PLD5: variants seen among roughly 807,000 people sequenced by gnomAD.
PLD5 encodes the protein phospholipase D family member 5, also known as inactive phospholipase D5.
In PLD5, 36 loss-of-function variants were observed where a neutral mutation model predicts 61.1. The ratio of observed to expected loss-of-function variants is 0.59; its 90% CI spans 0.45 to 0.78. The LOEUF (loss-of-function observed/expected upper bound fraction) is 0.78. Ranked by LOEUF, PLD5 falls within the 30% of genes least tolerant of loss-of-function variation. PLD5 has a pLI of 0.00. For missense variants in PLD5, 515 were observed against 644.4 expected (o/e 0.80, Z 2.17); for synonymous variants, 243 against 242.8 (o/e 1.00, Z -0.01).
intron 5 of PLD5, among the ~76,000 whole-genome samples, chr1:242,169,551 A>C (rs1339730866): frequency 6.6e-6 from 1 of 152,028 alleles, no homozygotes; most frequent in Non-Finnish European, 1.5e-5. Context: ...TCCATACCCC[A>C]GTGGTGCCTG....
chr1:242,224,874 C>T (rs1196188597), intron 4 of PLD5, among the ~76,000 whole-genome samples: 1 of 152,114 alleles, frequency 6.6e-6, no homozygotes, highest in Non-Finnish European at 1.5e-5. Flanking sequence ...CCCTTTTGAG[C>T]ATATAAGGGT....
intron 7 of PLD5, among the ~76,000 whole-genome samples, chr1:242,112,027 A>C (rs1661547536): frequency 6.6e-6 from 1 of 152,118 alleles, no homozygotes; most frequent in African/African-American, 2.4e-5. Context: ...TCATGGAACA[A>C]AGGTTTTGTC....
intron 1 of PLD5, among the ~76,000 whole-genome samples, chr1:242,392,348 C>T (rs903008365): frequency 6.6e-6 from 1 of 152,082 alleles, no homozygotes; most frequent in Non-Finnish European, 1.5e-5. Flanking sequence ...ATACCATAAA[C>T]CTCAGTGTTA....
At chr1:242,451,444 T>A (rs1288450349) in intron 1 of PLD5, among the ~76,000 whole-genome samples, 1 of 150,868 alleles carries the variant, frequency 6.6e-6, no homozygotes, top group South Asian at 2.1e-4. Flanking sequence ...AAACATGTTA[T>A]TCCTGTATCA....
chr1:242,377,036 T>C, intron 1 of PLD5: 1 of 1,611,798 alleles, frequency 6.2e-7, no homozygotes, highest in Non-Finnish European at 8.5e-7. Flanking sequence ...CTTTGCACTT[T>C]CTGTCTGACA....
chr1:242,502,992 C>T (rs543707275), intron 1 of PLD5, among the ~76,000 whole-genome samples: 3 of 152,170 alleles, frequency 2.0e-5, no homozygotes, highest in African/African-American at 7.2e-5. Context: ...ACCCAGGAGG[C>T]AGAGGTTGCA....
chr1:242,161,708 T>C (rs1005197176), intron 5 of PLD5, among the ~76,000 whole-genome samples: 1 of 152,164 alleles, frequency 6.6e-6, no homozygotes, highest in Non-Finnish European at 1.5e-5. Context: ...CTCCTTTCCT[T>C]TGCTCATTTT....
At chr1:242,399,279 C>A (rs1663785868) in intron 1 of PLD5, among the ~76,000 whole-genome samples, 2 of 152,186 alleles carry the variant, frequency 1.3e-5, no homozygotes, top group South Asian at 4.1e-4. Flanking sequence ...CAGAGGTTTT[C>A]TCAGCGTGAG....
At chr1:242,223,177 C>T (rs1001497541) in intron 4 of PLD5, among the ~76,000 whole-genome samples, 2 of 152,186 alleles carry the variant, frequency 1.3e-5, no homozygotes, top group African/African-American at 4.8e-5. Flanking sequence ...ATGAGGATCT[C>T]TCTCTGACTT....
At chr1:242,299,677 C>A (rs1172859833) in intron 2 of PLD5, among the ~76,000 whole-genome samples, 3 of 152,238 alleles carry the variant, frequency 2.0e-5, no homozygotes, top group Non-Finnish European at 2.9e-5. Flanking sequence ...TCCAGATTCG[C>A]TAGCAGAGTT....
intron 1 of PLD5, among the ~76,000 whole-genome samples, chr1:242,391,712 T>C (rs1315115439): frequency 1.3e-5 from 2 of 152,130 alleles, no homozygotes; most frequent in African/African-American, 4.8e-5. Flanking sequence ...AGAAAGCAAA[T>C]AGTAATCAGA....
chr1:242,271,171 T>C (rs745466632), intron 3 of PLD5, among the ~76,000 whole-genome samples: 2 of 141,288 alleles, frequency 1.4e-5, no homozygotes, highest in Non-Finnish European at 3.0e-5. Context: ...AAAGTACACA[T>C]GTGCATGTAC....
chr1:242,324,624 T>C (rs1658635100), intron 2 of PLD5, among the ~76,000 whole-genome samples: 1 of 152,190 alleles, frequency 6.6e-6, no homozygotes, highest in Non-Finnish European at 1.5e-5. Flanking sequence ...ACCTCCCTTT[T>C]AAAACTAACA....
intron 4 of PLD5, among the ~76,000 whole-genome samples, chr1:242,252,133 T>G (rs1336615624): frequency 6.6e-6 from 1 of 151,726 alleles, no homozygotes; most frequent in East Asian, 1.9e-4. Flanking sequence ...GAGAAAGGGA[T>G]GGAAGGAAAT....
intron 5 of PLD5, among the ~76,000 whole-genome samples, chr1:242,126,200 A>G (rs1489416225): frequency 6.6e-6 from 1 of 152,216 alleles, no homozygotes; most frequent in Non-Finnish European, 1.5e-5. Flanking sequence ...ATGCTCATGG[A>G]TGGGTAGAAT....
At chr1:242,227,666 C>A (rs1370212124) in intron 4 of PLD5, among the ~76,000 whole-genome samples, 2 of 152,190 alleles carry the variant, frequency 1.3e-5, no homozygotes, top group Non-Finnish European at 2.9e-5. Context: ...GCCCAGCCCT[C>A]TTCACTGTTC....
At chr1:242,207,764 TTA>T (rs1405320123) in intron 5 of PLD5, among the ~76,000 whole-genome samples, 14 of 66,864 alleles carry the variant, frequency 2.1e-4, no homozygotes, top group African/African-American at 1.0e-3. Context: ...ATATTTATAT[TTA>T]TATATATTTA....
chr1:242,213,684 A>G (rs1490903883), intron 5 of PLD5, among the ~76,000 whole-genome samples: 1 of 151,574 alleles, frequency 6.6e-6, no homozygotes, highest in African/African-American at 2.4e-5. Flanking sequence ...ATTCTCCCAG[A>G]GAGTTAACCC....
At chr1:242,394,237 AGTATATATATGT>A (rs1430474768) in intron 1 of PLD5, among the ~76,000 whole-genome samples, 1 of 72,680 alleles carries the variant, frequency 1.4e-5, no homozygotes, top group Non-Finnish European at 2.6e-5. Context: ...TATATATATG[AGTATATATATGT>A]GTATATATAT....
Sources: allele counts gnomAD v4.1 joint callset (sites outside exome capture counted in the v4.1 genomes callset), GRCh38; gene constraint gnomAD v4.1.1; transcripts MANE v1.5; gene names NCBI Gene and HGNC (gene_info 2026-07-23, HGNC 2026-07-21).